Variants in ANKRD26 observed in about 807,000 individuals in gnomAD.
The protein encoded by ANKRD26 is ankyrin repeat domain-containing protein 26.
ANKRD26 carries 141 observed loss-of-function variants against 208.7 expected under a neutral mutation model. The observed-to-expected ratio is 0.68, with a 90% CI of 0.59 to 0.78. The LOEUF (loss-of-function observed/expected upper bound fraction) is 0.78. Ranked by LOEUF, ANKRD26 falls within the 30% of genes least tolerant of loss-of-function variation. ANKRD26 has a pLI of 0.00. For missense variants in ANKRD26, 1,889 were observed against 1,938.7 expected, an observed-to-expected ratio of 0.97 and a Z score of 0.48; for synonymous variants, 636 against 660.4, an observed-to-expected ratio of 0.96 and a Z score of 0.57.
At chr10:27,000,487 T>C (rs1037966694), downstream of ANKRD26, among the ~76,000 whole-genome samples, 17 of 152,180 alleles carry the variant, frequency 1.1e-4, no homozygotes, top group African/African-American at 4.1e-4. Flanking sequence ...CAGATATTTT[T>C]TGTGTGTATA....
chr10:26,979,748 T>A (rs977058667), intron 5 of ANKRD26, among the ~76,000 whole-genome samples: 4 of 152,194 alleles, frequency 2.6e-5, no homozygotes, highest in Non-Finnish European at 4.4e-5. Context: ...CTGAGTTGTA[T>A]CCTCCTGCTG....
chr10:27,090,370 G>A (rs1486958997), intron 4 of ANKRD26, among the ~76,000 whole-genome samples: 1 of 152,094 alleles, frequency 6.6e-6, no homozygotes, highest in Non-Finnish European at 1.5e-5. Flanking sequence ...TCCAGCCTGG[G>A]CAACAGAGCA....
chr10:27,053,377 T>C lies in ANKRD26; in HGVS notation c.1578A>G (p.Leu526=). ...VQTSKAAEHD[L]EVASEEEQER... is the part of the protein sequence containing the mutation. ...CTTGCTCTTCTTCTGATGCTACTTC[T>C]AAGTCATGTTCAGCTGAAAAAATCC... is the stretch of plus-strand genomic sequence containing the variant. Residue 526 remains leucine (L), a synonymous_variant, in exon 16 of 34, where the codon TTA becomes TTG. Transcript: ENST00000376087. 3 of 1,610,916 alleles carry C rather than the reference T, an allele frequency of 1.9e-6. No individual in the cohort carries two copies. Among genetic ancestry groups the C allele is most frequent in the Non-Finnish European group, 2.5e-6 (3 of 1,178,336 alleles).
chr10:26,972,801 A>G (rs1326498742), downstream of ANKRD26, among the ~76,000 whole-genome samples: 1 of 152,002 alleles, frequency 6.6e-6, no homozygotes, highest in Non-Finnish European at 1.5e-5. Flanking sequence ...CGTGTTAGCC[A>G]GGATGGTCTC....
chr10:27,044,151 C>G lies in ANKRD26; in HGVS notation c.2019+6G>C. The G allele has an allele frequency of 7.2e-7, 1 of 1,383,036 alleles. No homozygotes were observed. Among genetic ancestry groups the G allele is most frequent in the South Asian group, 1.3e-5 (1 of 77,882 alleles). 85.7% of individuals were successfully genotyped at this position (1,383,036 alleles called of 1,614,324 possible). The stretch of plus-strand genomic sequence containing the variant: ...AATAATTTTGATAATTTATTTTTTA[C>G]AGTACCTTGTTCTTTTCATTAGATG... On this transcript the variant is annotated splice_donor_region_variant and intron_variant, in intron 19 of 33. Transcript: ENST00000376087.
chr10:27,001,604 A>C (rs1009715030), downstream of ANKRD26, among the ~76,000 whole-genome samples: 9 of 152,184 alleles, frequency 5.9e-5, no homozygotes, highest in Admixed American at 2.6e-4. Flanking sequence ...ATAGTGCAGA[A>C]AATCTGGCCG....
intron 9 of ANKRD26, among the ~76,000 whole-genome samples, chr10:27,068,307 GT>G (rs1197061813): frequency 1.3e-5 from 2 of 152,194 alleles, no homozygotes; most frequent in Non-Finnish European, 2.9e-5. Flanking sequence ...CTACGGCCTT[GT>G]GAAGAAGGTG....
At chr10:26,954,834 G>A in the ANKRD26 span, among the ~76,000 whole-genome samples, 1 of 151,746 alleles carries the variant, frequency 6.6e-6, no homozygotes, top group African/African-American at 2.4e-5. Context: ...TATGGTACAT[G>A]TGTTTTAGTG....
At chr10:26,981,211 TG>T (rs2052303236) in intron 4 of ANKRD26, among the ~76,000 whole-genome samples, 1 of 152,226 alleles carries the variant, frequency 6.6e-6, no homozygotes, top group South Asian at 2.1e-4. Flanking sequence ...CTTACCAAAA[TG>T]GTTGCAGATT....
intron 20 of ANKRD26, among the ~76,000 whole-genome samples, chr10:27,042,798 C>CAAAAAAAAAAAAAAAAAAAAAAAAAA (rs60850386): frequency 2.0e-5 from 1 of 48,950 alleles, no homozygotes; most frequent in African/African-American, 7.0e-5. Flanking sequence ...CAAAAAAATA[C>CAAAAAAAAAAAAAAAAAAAAAAAAAA]AAAAAAAAAA....
intron 9 of ANKRD26, among the ~76,000 whole-genome samples, chr10:27,072,227 T>C (rs1184018191): frequency 6.6e-6 from 1 of 152,222 alleles, no homozygotes; most frequent in African/African-American, 2.4e-5. Context: ...GGAATCCAGC[T>C]TGCTGCTGCC....
intron 9 of ANKRD26, among the ~76,000 whole-genome samples, chr10:27,076,601 A>G (rs994523545): frequency 6.6e-6 from 1 of 152,142 alleles, no homozygotes; most frequent in Non-Finnish European, 1.5e-5. Context: ...ATAGACCACT[A>G]GCTACATTAA....
At chr10:27,069,780 CAA>C (rs2055411318) in intron 9 of ANKRD26, among the ~76,000 whole-genome samples, 1 of 151,650 alleles carries the variant, frequency 6.6e-6, no homozygotes, top group South Asian at 2.1e-4. Context: ...AATGAAAAGA[CAA>C]AGAGGGAAAA....
At chr10:27,066,070 C>G (rs1035790413) in intron 11 of ANKRD26, among the ~76,000 whole-genome samples, 1 of 151,736 alleles carries the variant, frequency 6.6e-6, no homozygotes, top group Non-Finnish European at 1.5e-5. Context: ...ACCATGTTGG[C>G]CAGGATGGTC....
At chr10:27,093,933 G>C in intron 1 of ANKRD26, 134 bp from the exon 2 acceptor site, 1 of 765,222 alleles carries the variant, frequency 1.3e-6, no homozygotes, top group South Asian at 1.6e-5. Context: ...CATCTTGGCT[G>C]TGTCCCCAAC....
At chr10:27,083,912 A>T (rs1330664366) in intron 5 of ANKRD26, among the ~76,000 whole-genome samples, 1 of 152,134 alleles carries the variant, frequency 6.6e-6, no homozygotes, top group Non-Finnish European at 1.5e-5. Flanking sequence ...CATAGCTATG[A>T]CCTAAGTTGC....
intron 9 of ANKRD26, among the ~76,000 whole-genome samples, chr10:27,071,789 C>G (rs1358342773): frequency 6.6e-6 from 1 of 152,098 alleles, no homozygotes; most frequent in African/African-American, 2.4e-5. Context: ...CTGGGAAGCC[C>G]GGCAATCCAG....
At chr10:27,065,358 T>G (rs886617715) in intron 11 of ANKRD26, among the ~76,000 whole-genome samples, 4 of 152,106 alleles carry the variant, frequency 2.6e-5, no homozygotes, top group African/African-American at 9.7e-5. Context: ...AAACAGAAAT[T>G]TATTCAAGTT....
intron 7 of ANKRD26, among the ~76,000 whole-genome samples, chr10:27,078,480 G>A (rs1347667992): frequency 6.6e-6 from 1 of 152,150 alleles, no homozygotes; most frequent in Non-Finnish European, 1.5e-5. Context: ...TCGAGTGTGA[G>A]CTTAAGTCAA....
Sources: allele counts gnomAD v4.1 joint callset (sites outside exome capture counted in the v4.1 genomes callset), GRCh38; gene constraint gnomAD v4.1.1; transcripts MANE v1.5; gene names NCBI Gene and HGNC (gene_info 2026-07-23, HGNC 2026-07-21).